The following GTF3A variants were observed in gnomAD, a reference collection of about 807,000 sequenced individuals.
GTF3A encodes the protein transcription factor IIIA.
GTF3A carries 40 observed loss-of-function variants against 37.6 expected under a neutral mutation model. The observed-to-expected ratio is 1.06, with a 90% confidence interval of 0.83 to 1.38. The LOEUF is 1.38. Ranked by LOEUF, GTF3A falls within the 40% of genes most tolerant of loss-of-function variation. The pLI, the probability that GTF3A is intolerant of heterozygous loss-of-function variation, is 0.00. For synonymous variants in GTF3A, 191 were observed against 166.7 expected, an observed-to-expected ratio of 1.15 and a Z score of -1.12; for missense variants, 500 against 462.6, an observed-to-expected ratio of 1.08 and a Z score of -0.74.
chr13:27,435,767 T>C lies in GTF3A; in HGVS notation c.*170T>C. On this transcript the variant is annotated 3_prime_UTR_variant, in exon 9 of 9. Coordinates refer to ENST00000381140, the MANE Select transcript of GTF3A (RefSeq NM_002097.3). ...GTCTCTTGAGTTTCTTTATATGCCT[T>C]CTCCTCATTTTTGCTGAAAGCACGA... is the stretch of plus-strand genomic sequence containing the variant. 6.2e-7 allele frequency: 1 copy of C among 1,614,138 alleles called. No homozygotes were observed. Among genetic ancestry groups the C allele is most frequent in the Non-Finnish European group, 8.5e-7 (1 of 1,179,988 alleles).
At chr13:27,428,859 G>T (rs570391790) in intron 2 of GTF3A, among the ~76,000 whole-genome samples, 2 of 152,328 alleles carry the variant, frequency 1.3e-5, no homozygotes, top group Non-Finnish European at 2.9e-5. Context: ...TGTGATGCCT[G>T]TTTGGGCCCA....
At chr13:27,428,540 C>T (rs556660403) in intron 2 of GTF3A, among the ~76,000 whole-genome samples, 1 of 152,330 alleles carries the variant, frequency 6.6e-6, no homozygotes, top group East Asian at 1.9e-4. Flanking sequence ...ATTTGCTTGA[C>T]TTGCAGGCAT....
chr13:27,428,450 G>T (rs758871980), intron 2 of GTF3A, among the ~76,000 whole-genome samples: 1 of 152,196 alleles, frequency 6.6e-6, no homozygotes, highest in Non-Finnish European at 1.5e-5. Flanking sequence ...TTTCAAGCAC[G>T]GCCTACATGT....
chr13:27,430,547 C>A lies in GTF3A; in HGVS notation c.414C>A (p.Asp138Glu). The change falls in exon 4 of 9, where the codon GAC becomes GAA. Residue 138 changes from aspartate to glutamate, a missense_variant. Physicochemically the swap from Asp to Glu is conservative, Grantham distance 45. Transcript: ENST00000381140. ...CAATTTAACAGTGCAGTTTTGAAGA[C>A]TGTAAGAAGACCTTTAAGAAACATC... 6.2e-7 allele frequency: 1 copy of A among 1,608,600 alleles called. No homozygotes were observed. The highest frequency in any genetic ancestry group is 8.5e-7 in the Non-Finnish European group (1 of 1,175,436).
At position 27,424,666 on chromosome 13, in the gene GTF3A, G is replaced by A; in HGVS notation, c.-72G>A. 5 of 1,150,416 alleles carry A rather than the reference G, an allele frequency of 4.3e-6. No homozygotes were observed. Among genetic ancestry groups the A allele is most frequent in the Non-Finnish European group, 5.7e-6 (5 of 877,774 alleles). 71.3% of individuals were successfully genotyped at this position (1,150,416 alleles called of 1,614,324 possible). ...GGTTCAGCAGGGAGCCGTGGGCCGG[G>A]CGCGCCGGTTCCCGGCACGTGTCTC... On this transcript the variant is annotated 5_prime_UTR_variant, in exon 1 of 9. Coordinates refer to ENST00000381140, the MANE Select transcript of GTF3A (RefSeq NM_002097.3).
intron 2 of GTF3A, 142 bp from the exon 3 acceptor site, chr13:27,429,728 A>C: frequency 9.3e-6 from 5 of 534,916 alleles, no homozygotes; most frequent in Non-Finnish European, 1.0e-5. Flanking sequence ...GTATGGCTTA[A>C]CACTCTGGAA....
At chr13:27,434,255 G>A (rs750056570) in intron 6 of GTF3A, 36 bp downstream of exon 6, 2 of 830,692 alleles carry the variant, frequency 2.4e-6, no homozygotes, top group East Asian at 4.8e-5. Context: ...TGGTGTAAAT[G>A]TTTGTCCCCA....
At chr13:27,432,361 A>G (rs1450073161) in intron 4 of GTF3A, among the ~76,000 whole-genome samples, 1 of 152,230 alleles carries the variant, frequency 6.6e-6, no homozygotes, top group East Asian at 1.9e-4. Context: ...CCCCCTATGC[A>G]GCATCATTAG....
intron 2 of GTF3A, among the ~76,000 whole-genome samples, chr13:27,428,109 G>C (rs531141871): frequency 2.6e-5 from 4 of 152,168 alleles, no homozygotes; most frequent in Middle Eastern, 3.2e-3. Context: ...CTCTATTAAA[G>C]AAATAAATAA....
In GTF3A at chr13:27,435,153, T is replaced by G; in HGVS notation, c.894T>G (p.Ala298=). The G allele has an allele frequency of 2.5e-6, 4 of 1,607,986 alleles. No individual in the cohort carries two copies. Among genetic ancestry groups the G allele is most frequent in the Non-Finnish European group, 3.4e-6 (4 of 1,177,716 alleles). ...TGTAGCAAAGTCTCACTAGGCATGC[T>G]GTTGTACATGATCCTGACAAGAAGA... is the stretch of plus-strand genomic sequence containing the variant. The change falls in exon 8 of 9, where the codon GCT becomes GCG. Residue 298 remains alanine, a synonymous_variant. Coordinates refer to ENST00000381140, the MANE Select transcript of GTF3A (RefSeq NM_002097.3).
chr13:27,425,854 A>G (rs1343056818), intron 1 of GTF3A: 1 of 152,312 alleles, frequency 6.6e-6, no homozygotes, highest in Non-Finnish European at 1.5e-5. Context: ...CCTCTAATTT[A>G]TGGGCCACCT....
chr13:27,431,698 A>G (rs1175458700), intron 4 of GTF3A, among the ~76,000 whole-genome samples: 2 of 152,122 alleles, frequency 1.3e-5, no homozygotes, highest in African/African-American at 2.4e-5. Flanking sequence ...TGCTTGAGTG[A>G]TGGTGCGCTA....
Position 27,435,772 on chromosome 13 carries a change from T to C in GTF3A, c.*175T>C, listed in dbSNP as rs140779666. 48 of 1,614,060 alleles carry C rather than the reference T, an allele frequency of 3.0e-5. No individual in the cohort carries two copies. The highest frequency in any genetic ancestry group is 3.7e-5 in the Non-Finnish European group (44 of 1,180,012). On this transcript the variant is annotated 3_prime_UTR_variant, in exon 9 of 9. Coordinates refer to ENST00000381140, the MANE Select transcript of GTF3A (RefSeq NM_002097.3). ...TTGAGTTTCTTTATATGCCTTCTCC[T>C]CATTTTTGCTGAAAGCACGAAGAAC...
intron 4 of GTF3A, 57 bp from the exon 5 acceptor site, chr13:27,432,674 T>C: frequency 7.1e-7 from 1 of 1,409,722 alleles, no homozygotes; most frequent in Non-Finnish European, 9.9e-7. Flanking sequence ...CCATTGACCT[T>C]GAGCGGAGTT....
chr13:27,430,177 A>G (rs1387259125), intron 3 of GTF3A, among the ~76,000 whole-genome samples: 2 of 151,990 alleles, frequency 1.3e-5, no homozygotes, highest in Non-Finnish European at 2.9e-5. Flanking sequence ...GGGGTAACAG[A>G]GACCCTGTCT....
chr13:27,425,358 C>T (rs532682801), intron 1 of GTF3A: 141 of 168,090 alleles, frequency 8.4e-4, no homozygotes, highest in Non-Finnish European at 1.5e-3. Flanking sequence ...GAGCAGTGAG[C>T]AAAACAGGCA....
intron 2 of GTF3A, among the ~76,000 whole-genome samples, chr13:27,429,585 G>A (rs1276412505): frequency 6.6e-6 from 1 of 152,150 alleles, no homozygotes; most frequent in East Asian, 1.9e-4. Flanking sequence ...GTAGGCTTTT[G>A]GGACTAGTGT....
chr13:27,426,974 A>G, intron 1 of GTF3A, 118 bp from the exon 2 acceptor site: 1 of 640,690 alleles, frequency 1.6e-6, no homozygotes. Context: ...AGCTCTGAGT[A>G]GAAACCACCT....
At chr13:27,426,871 G>C (rs1304061436) in intron 1 of GTF3A, among the ~76,000 whole-genome samples, 2 of 152,146 alleles carry the variant, frequency 1.3e-5, no homozygotes, top group Non-Finnish European at 2.9e-5. Context: ...TGCTGTTCAT[G>C]GAACAAAAAT....
Sources: gnomAD v4.1 joint callset for allele counts (sites outside exome capture counted in the v4.1 genomes callset) on GRCh38, gnomAD v4.1.1 for gene constraint, MANE v1.5 for transcripts, NCBI Gene and HGNC (gene_info 2026-07-23, HGNC 2026-07-21) for gene names.